Variants in PARD3 observed in about 807,000 individuals in gnomAD.
PARD3 encodes the protein partitioning defective 3 homolog.
In PARD3, 75 loss-of-function variants were observed where a neutral mutation model predicts 155.4. The observed-to-expected ratio is 0.48, with a 90% confidence interval of 0.40 to 0.58. PARD3 has a LOEUF of 0.58. Among genes scored for constraint, PARD3 ranks in the 20% least tolerant of loss-of-function variants. The pLI is 0.00. For missense variants in PARD3, 1,642 were observed against 1,721.7 expected (o/e 0.95, Z 0.82); for synonymous variants, 576 against 610.5 (o/e 0.94, Z 0.83).
rs57145989 is a variant in PARD3 at position 34,575,760 on chromosome 10, G to GTGGC, written c.223-58605_223-58602dup. Reference sequence around the variant, plus strand: ...AAAATACAAAAGTTAGCTGGACATGGTGGCGGGTGCCTGTAATCCCAGCTA... The same window carrying GTGGC: ...AAAATACAAAAGTTAGCTGGACATGGTGGCTGGCGGGTGCCTGTAATCCCAGCTA... On this transcript the variant is annotated intron_variant, in intron 2 of 24. Transcript: ENST00000374788. 1.1e-4 allele frequency among the ~76,000 whole-genome samples: 17 copies of GTGGC among 152,228 alleles called. No homozygotes were observed. In the East Asian group the frequency reaches 1.9e-3, roughly 17 times the overall value.
At chr10:34,579,645 A>AT (rs1469371748) in intron 2 of PARD3, among the ~76,000 whole-genome samples, 1 of 148,216 alleles carries the variant, frequency 6.7e-6, no homozygotes, top group African/African-American at 2.5e-5. Flanking sequence ...CAGTGGCATG[A>AT]TTTTGGCTCA....
chr10:34,156,640 T>C (rs1949017563), intron 22 of PARD3, among the ~76,000 whole-genome samples: 1 of 152,188 alleles, frequency 6.6e-6, no homozygotes, highest in Non-Finnish European at 1.5e-5. Flanking sequence ...TTCACTTGCA[T>C]GAGAAAGTTC....
intron 16 of PARD3, among the ~76,000 whole-genome samples, chr10:34,340,510 T>G (rs1836693177): frequency 1.3e-5 from 2 of 152,208 alleles, no homozygotes; most frequent in Non-Finnish European, 2.9e-5. Flanking sequence ...TAGTTCTATT[T>G]TTAAATCCTG....
rs534582726 is a variant in PARD3 at position 34,317,091 on chromosome 10, G to A, written c.3065+16C>T. ...TATGTTTAAGGAGATTCTGGTTTGG[G>A]ATGGTAACGACTTACCTGAACATGT... On this transcript the variant is annotated intron_variant, in intron 20 of 24. Transcript: ENST00000374788. The A allele has an allele frequency of 9.8e-6, 15 of 1,537,058 alleles. No individual in the cohort carries two copies. The South Asian group carries it at 1.9e-4, about 19-fold the overall frequency.
chr10:34,252,728 T>TTA (rs1588944122), intron 22 of PARD3, among the ~76,000 whole-genome samples: 1 of 151,172 alleles, frequency 6.6e-6, no homozygotes, highest in Non-Finnish European at 1.5e-5. Context: ...ATATATAACT[T>TTA]TATATATATG....
chr10:34,173,708 A>G (rs1949907185), intron 22 of PARD3, among the ~76,000 whole-genome samples: 1 of 152,162 alleles, frequency 6.6e-6, no homozygotes. Context: ...AGAGGAAGAC[A>G]CTGATTTGAC....
chr10:34,289,988 C>A (rs1182187154), intron 20 of PARD3, among the ~76,000 whole-genome samples: 2 of 149,386 alleles, frequency 1.3e-5, no homozygotes, highest in Non-Finnish European at 2.9e-5. Flanking sequence ...TGAAAAGTAA[C>A]TACTGGCAAG....
intron 22 of PARD3, among the ~76,000 whole-genome samples, chr10:34,193,914 C>T (rs139061305): frequency 1.3e-5 from 2 of 152,258 alleles, no homozygotes; most frequent in Non-Finnish European, 2.9e-5. Context: ...CGGGGTGCTC[C>T]TCCTCCTGTG....
chr10:34,337,513 T>A, intron 16 of PARD3, 87 bp from the exon 17 acceptor site: 1 of 658,384 alleles, frequency 1.5e-6, no homozygotes, highest in Non-Finnish European at 2.3e-6. Context: ...CCTGCAAGTG[T>A]AAATATACAT....
At chr10:34,631,827 G>A (rs575277778) in intron 2 of PARD3, among the ~76,000 whole-genome samples, 3 of 152,086 alleles carry the variant, frequency 2.0e-5, no homozygotes, top group South Asian at 2.1e-4. Context: ...CAAACTCCTC[G>A]CCTCAAGTGA....
At chr10:34,393,989 C>T (rs1042399759) in intron 7 of PARD3, among the ~76,000 whole-genome samples, 2 of 151,990 alleles carry the variant, frequency 1.3e-5, no homozygotes, top group African/African-American at 2.4e-5. Context: ...AGGCGCACAT[C>T]ACCACGCCCA....
chr10:34,581,234 C>CTT (rs779658592), intron 2 of PARD3, among the ~76,000 whole-genome samples: 22 of 101,242 alleles, frequency 2.2e-4, no homozygotes, highest in Admixed American at 5.7e-4. Flanking sequence ...TTTTTCTTTT[C>CTT]TTTTTTTTTT....
At chr10:34,520,000 AG>A (rs1186063327) in intron 2 of PARD3, among the ~76,000 whole-genome samples, 1 of 152,108 alleles carries the variant, frequency 6.6e-6, no homozygotes, top group East Asian at 1.9e-4. Flanking sequence ...TTCCAAGAAA[AG>A]AACCATGACT....
intron 2 of PARD3, among the ~76,000 whole-genome samples, chr10:34,629,169 T>C (rs2132799157): frequency 6.6e-6 from 1 of 152,338 alleles, no homozygotes; most frequent in African/African-American, 2.4e-5. Context: ...CCATACACTG[T>C]GGACATCTAT....
chr10:34,784,129 A>T (rs116689216), intron 1 of PARD3, among the ~76,000 whole-genome samples: 6,329 of 152,086 alleles, frequency 0.042, 461 homozygotes, highest in African/African-American at 0.15. Context: ...GAGGATTGCT[A>T]GAGCTGGGGT....
intron 2 of PARD3, among the ~76,000 whole-genome samples, chr10:34,535,945 C>G (rs2083196275): frequency 6.6e-6 from 1 of 152,018 alleles, no homozygotes; most frequent in Non-Finnish European, 1.5e-5. Context: ...GACAAACACC[C>G]GAGCTGGTTT....
Position 34,110,001 on chromosome 10 carries a change from G to C in PARD3, c.*1168C>G, listed in dbSNP as rs138169665. 2 of 151,736 alleles carry C rather than the reference G, an allele frequency of 1.3e-5. No homozygotes were observed. The highest frequency in any genetic ancestry group is 2.9e-5 in the Non-Finnish European group (2 of 67,926). The allele number at this position is 151,736 out of a possible 1,614,324, so 9.4% of individuals were successfully genotyped here. A position where few individuals can be genotyped will look rare whatever the true frequency, so the allele number is the denominator to read the frequency against. On this transcript the variant is annotated 3_prime_UTR_variant, in exon 25 of 25. Coordinates refer to ENST00000374788, the MANE Select transcript of PARD3 (RefSeq NM_001184785.2). ...AGATGGGAGCCACCGAGATCCCCGA[G>C]ACCCACACACACACTCTAATACTGA...
At chr10:34,342,970 T>G (rs1836997519) in intron 15 of PARD3, among the ~76,000 whole-genome samples, 1 of 152,206 alleles carries the variant, frequency 6.6e-6, no homozygotes, top group Non-Finnish European at 1.5e-5. Context: ...GATAAAAATG[T>G]AAATCAAATG....
chr10:34,637,477 G>A (rs1330453171), intron 2 of PARD3, among the ~76,000 whole-genome samples: 1 of 152,214 alleles, frequency 6.6e-6, no homozygotes, highest in Admixed American at 6.5e-5. Context: ...AGGCCCTGCT[G>A]GAGAGACCAG....
Sources: gnomAD v4.1 joint callset for allele counts (sites outside exome capture counted in the v4.1 genomes callset) on GRCh38, gnomAD v4.1.1 for gene constraint, MANE v1.5 for transcripts, NCBI Gene and HGNC (gene_info 2026-07-23, HGNC 2026-07-21) for gene names.